ZKSCAN5: variants seen among roughly 807,000 people sequenced by gnomAD.
The protein encoded by ZKSCAN5 is zinc finger with KRAB and SCAN domains 5.
ZKSCAN5 carries 28 observed loss-of-function variants against 60.0 expected under a neutral mutation model. The observed-to-expected ratio is 0.47, with a 90% CI of 0.35 to 0.64. ZKSCAN5 has a LOEUF of 0.64. ZKSCAN5 is among the 30% of genes least tolerant of loss of function. The probability of loss-of-function intolerance (pLI) is 0.01; values close to 1 mark genes in which losing one functional copy is unlikely to be tolerated. For missense variants in ZKSCAN5, 881 were observed against 1,034.6 expected, an observed-to-expected ratio of 0.85 and a Z score of 2.04; for synonymous variants, 361 against 371.2, an observed-to-expected ratio of 0.97 and a Z score of 0.31.
chr7:99,506,248 C>T lies in ZKSCAN5; in HGVS notation c.204C>T (p.Leu68=), dbSNP rs1800721265. The T allele has an allele frequency of 6.2e-7, 1 of 1,614,060 alleles. No individual in the cohort carries two copies. The highest frequency in any genetic ancestry group is 8.5e-7 in the Non-Finnish European group (1 of 1,180,048). Residue 68 remains leucine, a synonymous_variant, in exon 2 of 7, where the codon CTC becomes CTT. Coordinates refer to ENST00000326775, the MANE Select transcript of ZKSCAN5 (RefSeq NM_145102.4). ...YHEASGPREA[L]SQLRVLCCEW... ...AGGCTTCAGGACCCCGGGAGGCTCT[C>T]AGCCAACTCCGGGTGCTCTGCTGTG...
In ZKSCAN5 at chr7:99,531,749, G is replaced by A. The variant is rs1423907331; in HGVS notation, c.2020G>A (p.Val674Ile). 49 of 1,613,982 alleles carry A rather than the reference G, an allele frequency of 3.0e-5. No homozygotes were observed. The highest frequency in any genetic ancestry group is 1.6e-4 in the Middle Eastern group (1 of 6,084). Residue 674 changes from valine (V) to isoleucine (I), a missense_variant, in exon 7 of 7, where the codon GTT (valine) becomes ATT (isoleucine). Coordinates refer to ENST00000326775, the MANE Select transcript of ZKSCAN5 (RefSeq NM_145102.4). ...ATGTGGGGAAATCTTTTTTCAGTAC[G>A]TTAGCCTAATTGAACATCAGGTGCT... ...RECGEIFFQY[V>I]SLIEHQVLHM...
intron 6 of ZKSCAN5, among the ~76,000 whole-genome samples, chr7:99,529,000 CT>C (rs755832490): frequency 6.6e-5 from 10 of 152,196 alleles, no homozygotes; most frequent in Non-Finnish European, 1.3e-4. Flanking sequence ...CACCCACCCT[CT>C]GACAATGCTT....
chr7:99,519,115 AC>A (rs1400292339), intron 3 of ZKSCAN5, among the ~76,000 whole-genome samples: 2 of 151,160 alleles, frequency 1.3e-5, no homozygotes, highest in Non-Finnish European at 2.9e-5. Flanking sequence ...AGCTGGGACT[AC>A]AGGCACCTGC....
chr7:99,522,364 G>A (rs1801574081), intron 5 of ZKSCAN5, among the ~76,000 whole-genome samples: 1 of 151,984 alleles, frequency 6.6e-6, no homozygotes, highest in African/African-American at 2.4e-5. Context: ...GCAAAGGAGT[G>A]GAATTTGAAA....
intron 2 of ZKSCAN5, among the ~76,000 whole-genome samples, chr7:99,508,507 A>G (rs189718241): frequency 6.6e-6 from 1 of 151,772 alleles, no homozygotes; most frequent in African/African-American, 2.4e-5. Context: ...TAATCCCAGC[A>G]CTTTGGGAGG....
Position 99,526,262 on chromosome 7 carries a change from G to A in ZKSCAN5, c.1222G>A (p.Gly408Arg), listed in dbSNP as rs1377952064. ...GEKPYKCQVCGKAFRVSSHLV... is the reference protein window; with the variant it reads ...GEKPYKCQVCRKAFRVSSHLV... ...GAAACCCTACAAATGTCAGGTGTGC[G>A]GAAAGGCTTTCCGGGTGAGTTCCCA... Residue 408 changes from glycine (G) to arginine (R), a missense_variant, in exon 6 of 7, where the codon GGA becomes AGA. Around this residue, in one of 5 missense-constraint regions of ZKSCAN5, gnomAD observed 490 missense variants for 554.5 expected, o/e 0.88. Transcript: ENST00000326775. 3 of 1,613,778 alleles carry A rather than the reference G, an allele frequency of 1.9e-6. No homozygotes were observed. The highest frequency in any genetic ancestry group is 4.5e-5 in the East Asian group (2 of 44,886).
At position 99,531,884 on chromosome 7, in the gene ZKSCAN5, T is replaced by C. The variant is rs757504533; in HGVS notation, c.2155T>C (p.Cys719Arg). Residue 719 changes from cysteine to arginine, a missense_variant, in exon 7 of 7, where the codon TGT (cysteine) becomes CGT (arginine). Coordinates refer to ENST00000326775, the MANE Select transcript of ZKSCAN5 (RefSeq NM_145102.4). Reference protein sequence around the residue: ...KIELQEQPYQCDICGKAFGYS... With the variant: ...KIELQEQPYQRDICGKAFGYS... ...TGAGTTACAAGAGCAGCCTTATCAG[T>C]GTGATATCTGTGGAAAAGCCTTTGG... 5.6e-6 allele frequency: 9 copies of C among 1,614,034 alleles called. No homozygotes were observed. In the South Asian group the frequency reaches 8.8e-5, roughly 16 times the overall value.
chr7:99,531,336 C>T lies in ZKSCAN5; in HGVS notation c.1607C>T (p.Pro536Leu). ...SSKRMNYSEV[P>L]YVHKKSSTGE... ...AAGAGGATGAACTACAGTGAAGTCC[C>T]ATATGTCCACAAAAAATCCTCCACT... The change falls in exon 7 of 7, where the codon CCA (proline) becomes CTA (leucine). Residue 536 changes from proline to leucine, a missense_variant. Physicochemically the swap from Pro to Leu is moderately conservative, Grantham distance 98. Around this residue, in one of 5 missense-constraint regions of ZKSCAN5, gnomAD observed 490 missense variants for 554.5 expected, o/e 0.88. Coordinates refer to ENST00000326775, the MANE Select transcript of ZKSCAN5 (RefSeq NM_145102.4). 1 of 1,614,138 alleles carries T rather than the reference C, an allele frequency of 6.2e-7. No individual in the cohort carries two copies. The highest frequency in any genetic ancestry group is 8.5e-7 in the Non-Finnish European group (1 of 1,180,028).
intron 3 of ZKSCAN5, among the ~76,000 whole-genome samples, chr7:99,518,223 C>T (rs1488245616): frequency 6.6e-6 from 1 of 151,964 alleles, no homozygotes; most frequent in Non-Finnish European, 1.5e-5. Context: ...GAGTTTGAGA[C>T]GATCCTGGAC....
Position 99,525,950 on chromosome 7 carries a change from G to A in ZKSCAN5, c.910G>A (p.Gly304Ser). Residue 304 changes from glycine to serine, a missense_variant, in exon 6 of 7, where the codon GGC (glycine) becomes AGC (serine). Transcript: ENST00000326775. ...CTTTGCAGAAGTCAGTGACCTTAAAGGCATGGTACAAAGGTGGCAGGTCAA... is the reference window on the plus strand; with the variant it reads ...CTTTGCAGAAGTCAGTGACCTTAAAAGCATGGTACAAAGGTGGCAGGTCAA... ...PDFAEVSDLKGMVQRWQVNPT... is the reference protein window; with the variant it reads ...PDFAEVSDLKSMVQRWQVNPT... 1.2e-6 allele frequency: 2 copies of A among 1,614,060 alleles called. No homozygotes were observed. Among genetic ancestry groups the A allele is most frequent in the Non-Finnish European group, 1.7e-6 (2 of 1,180,026 alleles).
intron 2 of ZKSCAN5, among the ~76,000 whole-genome samples, chr7:99,507,527 A>ATG (rs894401822): frequency 2.3e-5 from 3 of 131,770 alleles, no homozygotes; most frequent in African/African-American, 3.4e-5. Flanking sequence ...ATATATGTAT[A>ATG]TGTGTATATA....
intron 3 of ZKSCAN5, among the ~76,000 whole-genome samples, chr7:99,517,937 T>TAGAC (rs1352465436): frequency 1.4e-4 from 22 of 152,124 alleles, no homozygotes; most frequent in Non-Finnish European, 1.5e-5. Context: ...AAGCTTGCAT[T>TAGAC]AGACAGTACT....
chr7:99,511,874 C>T (rs1397837192), intron 2 of ZKSCAN5, among the ~76,000 whole-genome samples: 3 of 152,092 alleles, frequency 2.0e-5, no homozygotes, highest in African/African-American at 7.2e-5. Flanking sequence ...ACTGCAAGCT[C>T]CGCCTCCCAG....
intron 2 of ZKSCAN5, among the ~76,000 whole-genome samples, chr7:99,510,340 T>C (rs1409818292): frequency 6.6e-6 from 1 of 152,118 alleles, no homozygotes; most frequent in East Asian, 1.9e-4. Flanking sequence ...CCGGGTTGAT[T>C]CTCCTGCGTC....
Position 99,532,144 on chromosome 7 carries a change from A to C in ZKSCAN5, c.2415A>C (p.Glu805Asp). ...HTGEKPFQCK[E>D]CGMNFSWSCS... Reference sequence around the variant, plus strand: ...GTGAGAAACCTTTTCAATGTAAAGAATGTGGAATGAATTTCAGCTGGAGTT... The same window carrying C: ...GTGAGAAACCTTTTCAATGTAAAGACTGTGGAATGAATTTCAGCTGGAGTT... The change falls in exon 7 of 7, where the codon GAA (glutamate) becomes GAC (aspartate). Residue 805 changes from glutamate (E) to aspartate (D), a missense_variant. By Grantham distance (45) the Glu-to-Asp change is conservative. Around this residue, in one of 5 missense-constraint regions of ZKSCAN5, gnomAD observed 138 missense variants for 143.8 expected, o/e 0.96. Coordinates refer to ENST00000326775, the MANE Select transcript of ZKSCAN5 (RefSeq NM_145102.4). 3 of 1,613,978 alleles carry C rather than the reference A, an allele frequency of 1.9e-6. No individual in the cohort carries two copies. The highest frequency in any genetic ancestry group is 2.5e-6 in the Non-Finnish European group (3 of 1,180,028).
chr7:99,520,055 C>A, intron 4 of ZKSCAN5, 114 bp from the exon 5 acceptor site: 1 of 1,512,054 alleles, frequency 6.6e-7, no homozygotes, highest in Non-Finnish European at 9.0e-7. Context: ...CCTTCCCCAT[C>A]CTCTTTGAGG....
At chr7:99,507,980 T>C (rs935993098) in intron 2 of ZKSCAN5, among the ~76,000 whole-genome samples, 8 of 151,952 alleles carry the variant, frequency 5.3e-5, no homozygotes, top group African/African-American at 1.9e-4. Flanking sequence ...GAAGGAATGC[T>C]TGAAACTCAA....
intron 2 of ZKSCAN5, among the ~76,000 whole-genome samples, chr7:99,507,954 T>C (rs1247188378): frequency 6.6e-6 from 1 of 151,908 alleles, no homozygotes; most frequent in Non-Finnish European, 1.5e-5. Flanking sequence ...AATATATGTA[T>C]ATAAAATTAA....
intron 2 of ZKSCAN5, among the ~76,000 whole-genome samples, chr7:99,512,050 C>T (rs1401501988): frequency 1.3e-5 from 2 of 152,154 alleles, no homozygotes; most frequent in East Asian, 3.9e-4. Flanking sequence ...CCTCAGCCTC[C>T]CAAAGTGCTG....
Sources: gnomAD v4.1 joint callset for allele counts (sites outside exome capture counted in the v4.1 genomes callset) on GRCh38, gnomAD v4.1.1 for gene constraint, gnomAD v4.1.1 regional missense constraint, MANE v1.5 for transcripts, NCBI Gene and HGNC (gene_info 2026-07-23, HGNC 2026-07-21) for gene names.